Variants in TCAF1 observed in about 807,000 individuals in gnomAD.
TCAF1 encodes the protein TRPM8 channel-associated factor 1.
TCAF1 carries 4 observed loss-of-function variants against 27.3 expected under a neutral mutation model. That is an observed-to-expected ratio of 0.15 (90% CI 0.07 to 0.34). The LOEUF is 0.34. Ranked by LOEUF, TCAF1 falls within the 10% of genes least tolerant of loss-of-function variation. The pLI, the probability that TCAF1 is intolerant of heterozygous loss-of-function variation, is 1.00. For synonymous variants in TCAF1, 105 were observed against 167.1 expected (o/e 0.63, Z 2.87); for missense variants, 257 against 425.8 (o/e 0.60, Z 3.49).
chr7:143,887,716 T>C (rs947559602), intron 1 of TCAF1, among the ~76,000 whole-genome samples: 6 of 152,226 alleles, frequency 3.9e-5, no homozygotes, highest in Middle Eastern at 3.4e-3. Flanking sequence ...CCATCAACAG[T>C]AGAATGTTTA....
chr7:143,882,464 A>G, intron 1 of TCAF1: 1 of 985,366 alleles, frequency 1.0e-6, no homozygotes, highest in Non-Finnish European at 1.2e-6. Flanking sequence ...CACAAACATC[A>G]GATGTCAGAA....
At chr7:143,879,243 T>C (rs1156389521) in intron 1 of TCAF1, among the ~76,000 whole-genome samples, 1 of 152,178 alleles carries the variant, frequency 6.6e-6, no homozygotes. Flanking sequence ...AATGGCCACT[T>C]GTGTGGAAAA....
chr7:143,874,643 T>C (rs965023319), intron 2 of TCAF1, among the ~76,000 whole-genome samples: 2 of 151,642 alleles, frequency 1.3e-5, no homozygotes, highest in African/African-American at 4.9e-5. Context: ...TAGGAGCTTC[T>C]ATGCCACCAC....
chr7:143,860,020 TTATATATTA>T (rs1280629563), intron 6 of TCAF1, among the ~76,000 whole-genome samples, 179 bp downstream of exon 6: 1 of 13,756 alleles, frequency 7.3e-5, no homozygotes, highest in African/African-American at 1.8e-4. Context: ...ATAATATATA[TTATATATTA>T]TATATATAAT....
intron 1 of TCAF1, chr7:143,881,906 G>A (rs1180748773): frequency 6.6e-6 from 1 of 152,226 alleles, no homozygotes; most frequent in Non-Finnish European, 1.5e-5. Flanking sequence ...GGAGTGAGAA[G>A]ACCTGGGTAT....
rs111973038 is a variant in TCAF1, at chr7:143,902,096, G to A, written c.-150C>T. 8.0e-3 allele frequency: 1,226 copies of A among 152,586 alleles called. 7 individuals are homozygous for A. The highest frequency in any genetic ancestry group is 0.011 in the Non-Finnish European group (735 of 68,244). The allele number at this position is 152,586 out of a possible 1,614,324, so 9.5% of individuals were successfully genotyped here. A position where few individuals can be genotyped will look rare whatever the true frequency, so the allele number is the denominator to read the frequency against. ...AACCTGCTAGGAGCGGGAGGCGGTT[G>A]TTCCCAGGAGGAAGCAGCTTCTCCG... On this transcript the variant is annotated 5_prime_UTR_variant, in exon 1 of 9. Transcript: ENST00000479870.
intron 1 of TCAF1, among the ~76,000 whole-genome samples, chr7:143,895,330 G>C (rs550090981): frequency 6.6e-6 from 1 of 151,618 alleles, no homozygotes; most frequent in South Asian, 2.1e-4. Context: ...CAATACTATA[G>C]AAAAAAAAGT....
chr7:143,885,938 A>T (rs893671458), intron 1 of TCAF1, among the ~76,000 whole-genome samples: 10 of 152,218 alleles, frequency 6.6e-5, no homozygotes, highest in African/African-American at 1.9e-4. Context: ...ATCAACTAAA[A>T]AACTACATAA....
intron 1 of TCAF1, among the ~76,000 whole-genome samples, chr7:143,891,781 C>T (rs76637467): frequency 0.022 from 3,308 of 152,078 alleles, 133 homozygotes; most frequent in African/African-American, 0.074. Context: ...TTATGTTCCC[C>T]GAGCAGAATA....
chr7:143,878,426 A>G (rs933812625), intron 1 of TCAF1, among the ~76,000 whole-genome samples: 1 of 152,222 alleles, frequency 6.6e-6, no homozygotes, highest in Admixed American at 6.5e-5. Flanking sequence ...CCCTTGAGAA[A>G]GCCCTTCACA....
intron 2 of TCAF1, among the ~76,000 whole-genome samples, chr7:143,871,312 A>C (rs1456400748): frequency 1.4e-5 from 2 of 145,472 alleles, no homozygotes; most frequent in African/African-American, 2.5e-5. Flanking sequence ...CAGCTTAACG[A>C]GGCTTTAACT....
chr7:143,891,547 A>G (rs1313317072), intron 1 of TCAF1, among the ~76,000 whole-genome samples: 1 of 152,142 alleles, frequency 6.6e-6, no homozygotes, highest in East Asian at 1.9e-4. Context: ...GAAGTATAGC[A>G]AAGGTAAGTA....
At chr7:143,879,688 T>C (rs1812913050) in intron 1 of TCAF1, among the ~76,000 whole-genome samples, 1 of 152,172 alleles carries the variant, frequency 6.6e-6, no homozygotes, top group Non-Finnish European at 1.5e-5. Flanking sequence ...GATAGACTAA[T>C]GACAAAGAAT....
chr7:143,876,063 G>T lies in TCAF1; in HGVS notation c.546C>A (p.Tyr182Ter). ...GNLVTSVAGI[Y>*]FTDNKGDTSF... Reference sequence around the variant, plus strand: ...TCGTGTCCCCTTTGTTGTCAGTAAAGTAAATGCCAGCCACACTGGTCACGA... The same window carrying T: ...TCGTGTCCCCTTTGTTGTCAGTAAATTAAATGCCAGCCACACTGGTCACGA... Residue 182 changes from tyrosine to a stop codon, truncating the protein, a stop_gained, in exon 2 of 9, where the codon TAC becomes TAA. Coordinates refer to ENST00000479870, the MANE Select transcript of TCAF1 (RefSeq NM_014719.3). LOFTEE classifies it high-confidence loss of function. The T allele has an allele frequency of 6.2e-7, 1 of 1,609,962 alleles. No individual in the cohort carries two copies. Among genetic ancestry groups the T allele is most frequent in the Non-Finnish European group, 8.5e-7 (1 of 1,177,666 alleles).
intron 1 of TCAF1, among the ~76,000 whole-genome samples, chr7:143,890,249 G>A (rs1018283612): frequency 6.0e-5 from 9 of 151,226 alleles, no homozygotes; most frequent in East Asian, 5.8e-4. Context: ...TGATCCGCCC[G>A]CCTCGGCCTC....
chr7:143,876,382 A>C lies in TCAF1; in HGVS notation c.227T>G (p.Phe76Cys). 6.2e-7 allele frequency: 1 copy of C among 1,614,144 alleles called. No homozygotes were observed. Among genetic ancestry groups the C allele is most frequent in the Non-Finnish European group, 8.5e-7 (1 of 1,180,018 alleles). ...AAGCCACCCCACTGCGTTCAGGAGA[A>C]AGGGCGTGAGCTGGGCTTCCACCAA... ...DYLVEAQLTPFLLNAVGWLCS... is the reference protein window; with the variant it reads ...DYLVEAQLTPCLLNAVGWLCS... The change falls in exon 2 of 9, where the codon TTT becomes TGT. Residue 76 changes from phenylalanine (F) to cysteine (C), a missense_variant. By Grantham distance (205) the Phe-to-Cys change is radical (BLOSUM62 -2). Coordinates refer to ENST00000479870, the MANE Select transcript of TCAF1 (RefSeq NM_014719.3).
rs550290067 is a variant in TCAF1, at chr7:143,889,140, A to G, written c.-14-12518T>C. On this transcript the variant is annotated intron_variant, in intron 1 of 8. Coordinates refer to ENST00000479870, the MANE Select transcript of TCAF1 (RefSeq NM_014719.3). ...AATTCAGTCTAAAATCGAAAAAATG[A>G]TGGAAAATATGAAAAAGGATAGACG... Among the ~76,000 whole-genome samples, 7 of 152,310 alleles carry G rather than the reference A, an allele frequency of 4.6e-5. No homozygotes were observed. The South Asian group carries it at 1.4e-3, about 32-fold the overall frequency.
intron 1 of TCAF1, among the ~76,000 whole-genome samples, chr7:143,894,033 G>C (rs1269881092): frequency 5.3e-5 from 8 of 151,366 alleles, no homozygotes; most frequent in African/African-American, 1.2e-4. Context: ...AATTATCAGG[G>C]GACATTATTG....
At chr7:143,901,182 T>C (rs1814095182) in intron 1 of TCAF1, among the ~76,000 whole-genome samples, 1 of 152,192 alleles carries the variant, frequency 6.6e-6, no homozygotes, top group South Asian at 2.1e-4. Context: ...TTATTCAACA[T>C]TTTAAAACAA....
Sources: allele counts gnomAD v4.1 joint callset (sites outside exome capture counted in the v4.1 genomes callset), GRCh38; gene constraint gnomAD v4.1.1; transcripts MANE v1.5; gene names NCBI Gene and HGNC (gene_info 2026-07-23, HGNC 2026-07-21).